The following RIPOR2 variants were observed in gnomAD, a reference collection of about 807,000 sequenced individuals.
RIPOR2 encodes the protein rho family-interacting cell polarization regulator 2.
RIPOR2 carries 39 observed loss-of-function variants against 114.5 expected under a neutral mutation model. The ratio of observed to expected loss-of-function variants is 0.34; its 90% CI spans 0.26 to 0.44. RIPOR2 has a LOEUF of 0.44. RIPOR2 is among the 20% of genes least tolerant of loss of function. The pLI is 1.00. For synonymous variants in RIPOR2, 445 were observed against 484.4 expected (o/e 0.92, Z 1.07); for missense variants, 1,007 against 1,255.1 (o/e 0.80, Z 2.99).
intron 1 of RIPOR2, among the ~76,000 whole-genome samples, chr6:25,013,502 T>A (rs944716329): frequency 3.9e-5 from 6 of 152,204 alleles, no homozygotes; most frequent in Non-Finnish European, 7.4e-5. Context: ...CCCTTGAGCA[T>A]CAGGGGACTG....
chr6:24,916,923 C>T (rs543644554), intron 1 of RIPOR2, among the ~76,000 whole-genome samples: 2 of 152,306 alleles, frequency 1.3e-5, no homozygotes, highest in East Asian at 3.9e-4. Context: ...CTAGCTTCCA[C>T]ACCAAGTGAC....
chr6:24,829,579 A>G (rs1760487506), intron 17 of RIPOR2, among the ~76,000 whole-genome samples: 2 of 152,232 alleles, frequency 1.3e-5, no homozygotes, highest in Non-Finnish European at 2.9e-5. Context: ...GTGAGCTGTT[A>G]AAACATCACT....
chr6:25,029,840 C>T (rs1210593872), intron 1 of RIPOR2, among the ~76,000 whole-genome samples: 1 of 152,148 alleles, frequency 6.6e-6, no homozygotes, highest in African/African-American at 2.4e-5. Context: ...GGGTTAAAAA[C>T]ATGAAGTTAA....
Position 24,927,159 on chromosome 6 carries a change from C to CACT in RIPOR2, c.61+8678_61+8679insAGT, listed in dbSNP as rs1561782497. ...CTACCACCACCACCACCACCACCAC[C>CACT]ACAACTACAATCACCACCACCATGA... On this transcript the variant is annotated intron_variant, in intron 1 of 21. Transcript: ENST00000643898. Among the ~76,000 whole-genome samples the CACT allele has an allele frequency of 5.5e-3, 59 of 10,802 alleles. 22 individuals are homozygous for CACT. The highest frequency in any genetic ancestry group is 0.034 in the East Asian group (6 of 178). 7.1% of individuals were successfully genotyped at this position (10,802 alleles called of 152,430 possible). A position where few individuals can be genotyped will look rare whatever the true frequency, so the allele number is the denominator to read the frequency against.
At chr6:24,852,739 C>A (rs185084696) in intron 8 of RIPOR2, 121 bp from the exon 9 acceptor site, 15 of 643,112 alleles carry the variant, frequency 2.3e-5, no homozygotes, top group Non-Finnish European at 3.8e-5. Context: ...TCACATAACA[C>A]TTTTTGGGGC....
At chr6:24,872,230 A>G (rs1765248824) in intron 4 of RIPOR2, among the ~76,000 whole-genome samples, 1 of 152,218 alleles carries the variant, frequency 6.6e-6, no homozygotes, top group Non-Finnish European at 1.5e-5. Context: ...GAAATTTGCA[A>G]CATAATATGT....
At chr6:24,935,963 C>T (rs1224639035), upstream of RIPOR2, 7 of 1,225,556 alleles carry the variant, frequency 5.7e-6, no homozygotes, top group Non-Finnish European at 6.9e-6. Context: ...GTCACACTGC[C>T]GACCGAGGTG....
chr6:24,897,590 A>C (rs1305597551), intron 1 of RIPOR2, among the ~76,000 whole-genome samples: 2 of 152,194 alleles, frequency 1.3e-5, no homozygotes, highest in Non-Finnish European at 2.9e-5. Context: ...ATTGTTTAAT[A>C]AGGGCATTTG....
intron 1 of RIPOR2, among the ~76,000 whole-genome samples, chr6:25,034,437 T>C (rs183653188): frequency 7.9e-5 from 12 of 152,308 alleles, no homozygotes; most frequent in Non-Finnish European, 8.8e-5. Flanking sequence ...GTGGGTTGAA[T>C]CTAGGCTAAC....
chr6:24,839,442 A>G, intron 13 of RIPOR2, 170 bp from the exon 14 acceptor site: 1 of 1,440,292 alleles, frequency 6.9e-7, no homozygotes, highest in Non-Finnish European at 9.2e-7. Flanking sequence ...AAGAAGTACA[A>G]CCATGGATAA....
chr6:24,897,034 C>T (rs1233384769), intron 1 of RIPOR2, among the ~76,000 whole-genome samples: 16 of 152,236 alleles, frequency 1.1e-4, no homozygotes, highest in Non-Finnish European at 7.4e-5. Context: ...TCAGTGAAAC[C>T]CTCCAGACAA....
chr6:24,901,193 C>G (rs928031430), intron 1 of RIPOR2, among the ~76,000 whole-genome samples: 2 of 152,122 alleles, frequency 1.3e-5, no homozygotes, highest in African/African-American at 4.8e-5. Context: ...GAAACTAGTC[C>G]CCTACACGAA....
intron 12 of RIPOR2, among the ~76,000 whole-genome samples, chr6:24,846,964 T>C (rs1762363540): frequency 6.6e-6 from 1 of 152,188 alleles, no homozygotes; most frequent in African/African-American, 2.4e-5. Flanking sequence ...TTTTTGTTTG[T>C]TTGTTTTTGA....
intron 3 of RIPOR2, 68 bp from the exon 4 acceptor site, chr6:24,873,027 G>C: frequency 9.4e-7 from 1 of 1,068,182 alleles, no homozygotes; most frequent in Admixed American, 1.8e-5. Flanking sequence ...TGCTGTTGCT[G>C]ACTTTTCCTT....
At chr6:24,847,779 A>C in intron 12 of RIPOR2, 1 of 1,342,276 alleles carries the variant, frequency 7.5e-7, no homozygotes, top group Non-Finnish European at 1.0e-6. Context: ...TTTTTGATTA[A>C]AACAAGGAGG....
At chr6:24,897,836 G>A (rs140830497) in intron 1 of RIPOR2, among the ~76,000 whole-genome samples, 135 of 151,978 alleles carry the variant, frequency 8.9e-4, no homozygotes, top group African/African-American at 3.1e-3. Context: ...GCGGGATCTC[G>A]GCTCACTGCA....
At chr6:24,997,309 G>C (rs764480306) in intron 1 of RIPOR2, among the ~76,000 whole-genome samples, 14 of 151,994 alleles carry the variant, frequency 9.2e-5, no homozygotes, top group Non-Finnish European at 2.1e-4. Context: ...TGCTCACTAT[G>C]TAGTAAACAC....
chr6:24,879,503 T>G (rs557123029), intron 1 of RIPOR2, among the ~76,000 whole-genome samples: 42 of 152,364 alleles, frequency 2.8e-4, no homozygotes, highest in Admixed American at 4.6e-4. Context: ...TGATTTAGGC[T>G]GAGATCTCTC....
chr6:25,023,723 A>G, intron 1 of RIPOR2: 1 of 783,568 alleles, frequency 1.3e-6, no homozygotes, highest in East Asian at 2.4e-5. Flanking sequence ...TTTGTCCGCG[A>G]CTTCGTTCAG....
Sources: gnomAD v4.1 joint callset for allele counts (sites outside exome capture counted in the v4.1 genomes callset) on GRCh38, gnomAD v4.1.1 for gene constraint, MANE v1.5 for transcripts, NCBI Gene and HGNC (gene_info 2026-07-23, HGNC 2026-07-21) for gene names.